RIOK1: variants seen among roughly 807,000 people sequenced by gnomAD.
RIOK1 encodes RIO kinase 1.
Under a neutral mutation model 73.5 loss-of-function variants are expected in RIOK1, and 66 were observed. The observed-to-expected ratio is 0.90, with a 90% confidence interval of 0.74 to 1.10. RIOK1 has a LOEUF of 1.10. Among genes scored for constraint, RIOK1 ranks in the 50% least tolerant of loss-of-function variants. RIOK1 has a pLI of 0.00. For missense variants in RIOK1, 658 were observed against 699.8 expected (o/e 0.94, Z 0.67); for synonymous variants, 224 against 226.8 (o/e 0.99, Z 0.11).
chr6:7,393,292 A>G lies in RIOK1; in HGVS notation c.265A>G (p.Ser89Gly). 2 of 1,614,032 alleles carry G rather than the reference A, an allele frequency of 1.2e-6. No homozygotes were observed. Among genetic ancestry groups the G allele is most frequent in the South Asian group, 1.1e-5 (1 of 91,074 alleles). Residue 89 changes from serine to glycine, a missense_variant, in exon 2 of 17, where the codon AGC becomes GGC. Physicochemically the swap from Ser to Gly is moderately conservative, Grantham distance 56. Transcript: ENST00000379834. ...CAAGGGTTATGTCTGGAATGGAGGA[A>G]GCAACCCACAGGTATTTTATAAAGG... The part of the protein sequence containing the change: ...LAKGYVWNGG[S>G]NPQANRQTSD...
intron 4 of RIOK1, 137 bp from the exon 5 acceptor site, chr6:7,398,561 C>G: frequency 1.5e-6 from 1 of 645,400 alleles, no homozygotes; most frequent in Non-Finnish European, 2.7e-6. Flanking sequence ...AATGAAAAAT[C>G]TACAATCATA....
At chr6:7,404,768 C>T in intron 10 of RIOK1, 150 bp from the exon 11 acceptor site, 1 of 874,928 alleles carries the variant, frequency 1.1e-6, no homozygotes, top group East Asian at 2.6e-5. Flanking sequence ...GAAATTTTCC[C>T]AGTTCCATCT....
chr6:7,404,128 T>A, intron 9 of RIOK1, 101 bp downstream of exon 9: 1 of 875,586 alleles, frequency 1.1e-6, no homozygotes, highest in Non-Finnish European at 1.9e-6. Context: ...AATAACTTAT[T>A]AATCTTTCCC....
At chr6:7,403,026 T>A in intron 8 of RIOK1, 129 bp downstream of exon 8, 1 of 663,710 alleles carries the variant, frequency 1.5e-6, no homozygotes, top group Non-Finnish European at 2.5e-6. Flanking sequence ...TTCTATTAGG[T>A]CTGCTGAAGT....
chr6:7,398,970 C>T (rs563165244), intron 5 of RIOK1, among the ~76,000 whole-genome samples: 4 of 152,256 alleles, frequency 2.6e-5, no homozygotes, highest in South Asian at 4.1e-4. Flanking sequence ...AGCCACCATG[C>T]GATGCTTTCC....
At chr6:7,406,252 C>T (rs1010224304) in intron 12 of RIOK1, among the ~76,000 whole-genome samples, 1 of 152,184 alleles carries the variant, frequency 6.6e-6, no homozygotes, top group Non-Finnish European at 1.5e-5. Context: ...CTGCCTCAGC[C>T]TCCCAAAGTG....
rs776538343 is a variant in RIOK1, at chr6:7,411,495, A to G, written c.1389+44A>G. ...ATATAGCAAGCAGCTCTTCAAAAGT[A>G]GTAGGGGACTGTCCCAAACCTATCT... On this transcript the variant is annotated intron_variant, in intron 14 of 16. Transcript: ENST00000379834. 6 of 1,610,266 alleles carry G rather than the reference A, an allele frequency of 3.7e-6. No homozygotes were observed. The South Asian group carries it at 4.4e-5, about 12-fold the overall frequency.
intron 4 of RIOK1, among the ~76,000 whole-genome samples, chr6:7,397,543 A>T (rs371486861): frequency 6.6e-6 from 1 of 152,218 alleles, no homozygotes; most frequent in Non-Finnish European, 1.5e-5. Flanking sequence ...TAAGATCTGA[A>T]TAACTTCTCT....
At chr6:7,412,468 A>G (rs1761910838) in intron 14 of RIOK1, among the ~76,000 whole-genome samples, 1 of 152,176 alleles carries the variant, frequency 6.6e-6, no homozygotes, top group Non-Finnish European at 1.5e-5. Flanking sequence ...CAGCCTGGCC[A>G]ACATGGTGAA....
At chr6:7,401,879 A>T (rs1386886490) in intron 6 of RIOK1, among the ~76,000 whole-genome samples, 1 of 151,982 alleles carries the variant, frequency 6.6e-6, no homozygotes, top group East Asian at 1.9e-4. Flanking sequence ...GGGTTTTGCC[A>T]TGTTGACCAG....
At chr6:7,397,068 A>C (rs956868336) in intron 4 of RIOK1, among the ~76,000 whole-genome samples, 1 of 152,162 alleles carries the variant, frequency 6.6e-6, no homozygotes, top group Non-Finnish European at 1.5e-5. Context: ...GTTTGAGACC[A>C]GCCTGGCCAA....
At position 7,393,304 on chromosome 6, in the gene RIOK1, G is replaced by A; in HGVS notation, c.276+1G>A. On this transcript the variant is annotated splice_donor_variant, in intron 2 of 16. Coordinates refer to ENST00000379834, the MANE Select transcript of RIOK1 (RefSeq NM_031480.3). LOFTEE classifies it high-confidence loss of function. ...CTGGAATGGAGGAAGCAACCCACAGGTATTTTATAAAGGATCCTGCACATC... is the reference window on the plus strand; with the variant it reads ...CTGGAATGGAGGAAGCAACCCACAGATATTTTATAAAGGATCCTGCACATC... 1.2e-6 allele frequency: 2 copies of A among 1,613,650 alleles called. No homozygotes were observed. Among genetic ancestry groups the A allele is most frequent in the Non-Finnish European group, 1.7e-6 (2 of 1,179,614 alleles).
chr6:7,410,387 C>G lies in RIOK1; in HGVS notation c.1205C>G (p.Ala402Gly). The change falls in exon 13 of 17, where the codon GCC becomes GGC. Residue 402 changes from alanine (A) to glycine (G), a missense_variant and splice_region_variant. Coordinates refer to ENST00000379834, the MANE Select transcript of RIOK1 (RefSeq NM_031480.3). The part of the protein sequence containing the change: ...HENMDAYLSK[A>G]MEIASQRTKE... ...AGTCATTTTTGTTTTCTTTCCAAGG[C>G]CATGGAAATAGCATCTCAAAGGACC... The G allele has an allele frequency of 6.2e-7, 1 of 1,608,960 alleles. No homozygotes were observed. Among genetic ancestry groups the G allele is most frequent in the African/African-American group, 1.3e-5 (1 of 74,826 alleles).
At chr6:7,395,201 G>A in intron 3 of RIOK1, 58 bp downstream of exon 3, 1 of 1,546,196 alleles carries the variant, frequency 6.5e-7, no homozygotes, top group South Asian at 1.2e-5. Flanking sequence ...ACCATGGAGT[G>A]TTGTATAATT....
At chr6:7,413,377 C>A (rs1041331707) in intron 15 of RIOK1, among the ~76,000 whole-genome samples, 1 of 152,106 alleles carries the variant, frequency 6.6e-6, no homozygotes, top group Admixed American at 6.6e-5. Flanking sequence ...GTGCTGGATT[C>A]CTGTGATGTT....
At chr6:7,390,112 C>G (rs935081891) in intron 1 of RIOK1, 39 bp downstream of exon 1, 39 of 1,525,570 alleles carry the variant, frequency 2.6e-5, no homozygotes, top group Non-Finnish European at 3.2e-5. Flanking sequence ...GGGTACGGCT[C>G]TCTCCTTGAC....
intron 2 of RIOK1, 79 bp downstream of exon 2, chr6:7,393,382 A>C (rs992570587): frequency 8.6e-7 from 1 of 1,161,012 alleles, no homozygotes; most frequent in Non-Finnish European, 1.3e-6. Context: ...TGTGATTCTG[A>C]AATTGAATAA....
At chr6:7,402,997 G>C (rs1300970495) in intron 8 of RIOK1, 100 bp downstream of exon 8, 3 of 946,900 alleles carry the variant, frequency 3.2e-6, no homozygotes, top group Non-Finnish European at 4.8e-6. Flanking sequence ...CAAATGTAGG[G>C]ACTTGTTAGG....
intron 15 of RIOK1, 81 bp downstream of exon 15, chr6:7,413,023 A>G (rs1026431720): frequency 1.3e-5 from 8 of 637,904 alleles, no homozygotes; most frequent in Middle Eastern, 4.1e-4. Context: ...GTTTTTTATT[A>G]TTATTTAATA....
Sources: allele counts gnomAD v4.1 joint callset (sites outside exome capture counted in the v4.1 genomes callset), GRCh38; gene constraint gnomAD v4.1.1; transcripts MANE v1.5; gene names NCBI Gene and HGNC (gene_info 2026-07-23, HGNC 2026-07-21).